CD82: variants seen among roughly 807,000 people sequenced by gnomAD.
CD82 encodes the protein CD82 molecule, also known as CD82 antigen.
A neutral mutation model predicts 37.4 loss-of-function variants in CD82; 36 were observed. That is an observed-to-expected ratio of 0.96 (90% CI 0.74 to 1.27). The LOEUF is 1.27. Ranked by LOEUF, CD82 falls within the 50% of genes most tolerant of loss-of-function variation. The pLI is 0.00. For missense variants in CD82, 340 were observed against 347.0 expected (o/e 0.98, Z 0.16); for synonymous variants, 158 against 137.4 (o/e 1.15, Z -1.05).
At position 44,619,508 on chromosome 11, in the gene CD82, A is replaced by G. The variant is rs533024020; in HGVS notation, c.*382A>G. 9 of 167,864 alleles carry G rather than the reference A, an allele frequency of 5.4e-5. No individual in the cohort carries two copies. In the East Asian group the frequency reaches 1.4e-3, roughly 26 times the overall value. 10.4% of individuals were successfully genotyped at this position (167,864 alleles called of 1,614,324 possible). A position where few individuals can be genotyped will look rare whatever the true frequency, so the allele number is the denominator to read the frequency against. On this transcript the variant is annotated 3_prime_UTR_variant, in exon 10 of 10. Coordinates refer to ENST00000227155, the MANE Select transcript of CD82 (RefSeq NM_002231.4). Reference sequence around the variant, plus strand: ...CCGGGCGCGGTGGCTCACGCCTGTAATCCCAGCACTTTGGGAGGCCGAGGC... The same window carrying G: ...CCGGGCGCGGTGGCTCACGCCTGTAGTCCCAGCACTTTGGGAGGCCGAGGC...
intron 1 of CD82, among the ~76,000 whole-genome samples, chr11:44,574,117 C>G (rs1565079577): frequency 6.6e-6 from 1 of 152,162 alleles, no homozygotes; most frequent in Non-Finnish European, 1.5e-5. Context: ...GACTTAGATT[C>G]TCTGTAGTCT....
At chr11:44,605,907 C>T (rs1853388114) in intron 6 of CD82, among the ~76,000 whole-genome samples, 1 of 152,162 alleles carries the variant, frequency 6.6e-6, no homozygotes, top group Admixed American at 6.5e-5. Context: ...AGAAGGAGAC[C>T]GTTAATAAAA....
In CD82 at chr11:44,600,169, A is replaced by G. The variant is rs760383801; in HGVS notation, c.75A>G (p.Ala25=). ...LFNLIFFILG[A]VILGFGVWIL... ...CCTTCTCCTTCCAGATCCTGGGCGC[A>G]GTGATCCTGGGCTTCGGGGTGTGGA... The change falls in exon 4 of 10, where the codon GCA becomes GCG. Residue 25 remains alanine, a synonymous_variant. Transcript: ENST00000227155. 7 of 1,613,932 alleles carry G rather than the reference A, an allele frequency of 4.3e-6. No individual in the cohort carries two copies. In the Admixed American group the frequency reaches 8.3e-5, roughly 19 times the overall value.
intron 2 of CD82, among the ~76,000 whole-genome samples, chr11:44,590,210 A>G (rs977768359): frequency 1.4e-5 from 1 of 69,340 alleles, no homozygotes; most frequent in East Asian, 4.6e-4. Context: ...CTTTTTCTGT[A>G]AAGGGCCAGA....
intron 4 of CD82, among the ~76,000 whole-genome samples, chr11:44,604,185 C>T (rs1416379952): frequency 6.6e-6 from 1 of 152,320 alleles, no homozygotes; most frequent in East Asian, 1.9e-4. Context: ...CCACTCCCCA[C>T]CCCCAAATGT....
chr11:44,594,732 A>G lies in CD82; in HGVS notation c.63+7A>G, dbSNP rs371022291. 3.8e-5 allele frequency: 62 copies of G among 1,611,110 alleles called. No homozygotes were observed. The highest frequency in any genetic ancestry group is 5.3e-5 in the Non-Finnish European group (62 of 1,177,392). ...CTTCAACTTGATCTTCTTTGTAAGT[A>G]TGTCCCATGCCGTCCTGACCACCTC... On this transcript the variant is annotated splice_region_variant and intron_variant, in intron 3 of 9. Coordinates refer to ENST00000227155, the MANE Select transcript of CD82 (RefSeq NM_002231.4).
upstream of CD82, among the ~76,000 whole-genome samples, chr11:44,564,823 G>C (rs1273749204): frequency 6.6e-6 from 1 of 152,222 alleles, no homozygotes; most frequent in Non-Finnish European, 1.5e-5. Context: ...GCTGGATCCC[G>C]CTCACGCCCG....
chr11:44,578,368 G>A (rs1178563033), intron 1 of CD82, among the ~76,000 whole-genome samples: 2 of 152,146 alleles, frequency 1.3e-5, no homozygotes, highest in African/African-American at 4.8e-5. Context: ...TTCTGTCTGA[G>A]ACCACGATGG....
upstream of CD82, chr11:44,565,542 A>G (rs1332880422): frequency 2.0e-5 from 3 of 148,816 alleles, no homozygotes. Flanking sequence ...CGCCTTCCCA[A>G]AGGGCTCGGG....
chr11:44,613,984 TTTTTTGTTGTTGTTG>T (rs971486772), intron 6 of CD82, among the ~76,000 whole-genome samples: 4 of 151,788 alleles, frequency 2.6e-5, no homozygotes, highest in Middle Eastern at 3.4e-3. Context: ...TTCTGTTTTG[TTTTTTGTTGTTGTTG>T]TTTTTGTTGT....
At chr11:44,618,892 C>T (rs1358826211) in intron 9 of CD82, among the ~76,000 whole-genome samples, 157 bp from the exon 10 acceptor site, 1 of 152,120 alleles carries the variant, frequency 6.6e-6, no homozygotes, top group Non-Finnish European at 1.5e-5. Flanking sequence ...CAAGGCACTG[C>T]CCCGCTCTGG....
intron 1 of CD82, among the ~76,000 whole-genome samples, chr11:44,568,602 C>A (rs1035203384): frequency 2.6e-5 from 4 of 152,152 alleles, no homozygotes; most frequent in Admixed American, 2.6e-4. Flanking sequence ...GAGAGGTCAG[C>A]CATGTGCTAT....
intron 2 of CD82, among the ~76,000 whole-genome samples, chr11:44,588,625 G>A (rs1412563112): frequency 2.0e-5 from 3 of 152,212 alleles, no homozygotes; most frequent in Admixed American, 6.5e-5. Context: ...CATTAGAACT[G>A]CATTCAAATC....
intron 2 of CD82, among the ~76,000 whole-genome samples, chr11:44,589,735 G>A (rs1041699137): frequency 1.3e-5 from 2 of 152,210 alleles, no homozygotes; most frequent in African/African-American, 4.8e-5. Context: ...GGGATCCTGT[G>A]TCTTCTCTCT....
At chr11:44,580,493 G>C (rs1266759803) in intron 1 of CD82, among the ~76,000 whole-genome samples, 1 of 152,216 alleles carries the variant, frequency 6.6e-6, no homozygotes, top group Non-Finnish European at 1.5e-5. Flanking sequence ...TTGGGAGGCT[G>C]AGATGGGTGG....
At chr11:44,582,631 A>G (rs2863107) in intron 1 of CD82, among the ~76,000 whole-genome samples, 136,096 of 152,270 alleles carry the variant, frequency 0.89, 60,850 homozygotes, top group South Asian at 0.94. Flanking sequence ...TCATTATTCT[A>G]TCTCCAGTTG....
chr11:44,594,829 G>T (rs909730038), intron 3 of CD82, 104 bp downstream of exon 3: 32 of 936,100 alleles, frequency 3.4e-5, no homozygotes, highest in Non-Finnish European at 5.4e-5. Context: ...GGATTGGGGG[G>T]ATTTGGTGGG....
At chr11:44,602,631 G>A (rs567087167) in intron 4 of CD82, among the ~76,000 whole-genome samples, 8 of 152,162 alleles carry the variant, frequency 5.3e-5, no homozygotes, top group South Asian at 2.1e-4. Flanking sequence ...TGTTTGGGCC[G>A]CTTCCTTTGG....
At chr11:44,613,921 C>G (rs974395804) in intron 6 of CD82, among the ~76,000 whole-genome samples, 4 of 152,012 alleles carry the variant, frequency 2.6e-5, no homozygotes, top group Non-Finnish European at 5.9e-5. Flanking sequence ...CCTCACACTC[C>G]GGCTGGCTGG....
Sources: allele counts gnomAD v4.1 joint callset (sites outside exome capture counted in the v4.1 genomes callset), GRCh38; gene constraint gnomAD v4.1.1; transcripts MANE v1.5; gene names NCBI Gene and HGNC (gene_info 2026-07-23, HGNC 2026-07-21).